DNAJC21: variants seen among roughly 807,000 people sequenced by gnomAD.
The protein encoded by DNAJC21 is DnaJ heat shock protein family (Hsp40) member C21, also known as dnaJ homolog subfamily C member 21.
In DNAJC21, 63 loss-of-function variants were observed where a neutral mutation model predicts 72.4. That is an observed-to-expected ratio of 0.87 (90% CI 0.71 to 1.07). The LOEUF is 1.07. Ranked by LOEUF, DNAJC21 falls within the 50% of genes least tolerant of loss-of-function variation. DNAJC21 has a pLI of 0.00. For synonymous variants in DNAJC21, 203 were observed against 216.7 expected, an observed-to-expected ratio of 0.94 and a Z score of 0.56; for missense variants, 634 against 644.8, an observed-to-expected ratio of 0.98 and a Z score of 0.18.
At chr5:34,946,988 C>T (rs1765192695) in intron 9 of DNAJC21, among the ~76,000 whole-genome samples, 1 of 152,108 alleles carries the variant, frequency 6.6e-6, no homozygotes, top group Admixed American at 6.5e-5. Context: ...AAGTTCAGAC[C>T]TAGCTTGATG....
At chr5:34,942,763 A>G (rs561755491) in intron 7 of DNAJC21, among the ~76,000 whole-genome samples, 2 of 152,230 alleles carry the variant, frequency 1.3e-5, no homozygotes, top group African/African-American at 4.8e-5. Flanking sequence ...ATACTTCACT[A>G]TATCTTAAGA....
At chr5:34,951,075 A>T (rs1765349390) in intron 10 of DNAJC21, 15 of 985,414 alleles carry the variant, frequency 1.5e-5, no homozygotes, top group Non-Finnish European at 1.7e-5. Context: ...AGCAACAGTG[A>T]TGGGGTGGGG....
At chr5:34,951,189 GA>G (rs1765353647) in intron 10 of DNAJC21, 1 of 985,416 alleles carries the variant, frequency 1.0e-6, no homozygotes. Context: ...GGTATATAAA[GA>G]ACTACACAAA....
intron 7 of DNAJC21, among the ~76,000 whole-genome samples, chr5:34,942,807 G>A (rs144937264): frequency 6.6e-6 from 1 of 151,984 alleles, no homozygotes; most frequent in Non-Finnish European, 1.5e-5. Flanking sequence ...AGTGGCTCAC[G>A]CCTGTAATCC....
chr5:34,951,632 A>G (rs966409120), intron 10 of DNAJC21: 31 of 900,846 alleles, frequency 3.4e-5, no homozygotes, highest in East Asian at 1.2e-4. Context: ...GGTTCAAGCA[A>G]TTCTCCTGCC....
chr5:34,945,756 C>A lies in DNAJC21; in HGVS notation c.1143-5C>A, dbSNP rs761017301. On this transcript the variant is annotated splice_polypyrimidine_tract_variant and splice_region_variant and intron_variant, in intron 8 of 11. Transcript: ENST00000648817. The stretch of plus-strand genomic sequence containing the variant: ...TTTGACATTTCGATTTATATTTGCT[C>A]TTAGGCTTTCTAAAAAACAGAAGAA... 1 of 1,589,802 alleles carries A rather than the reference C, an allele frequency of 6.3e-7. No individual in the cohort carries two copies. The highest frequency in any genetic ancestry group is 8.5e-7 in the Non-Finnish European group (1 of 1,171,058).
Position 34,933,826 on chromosome 5 carries a change from G to T in DNAJC21, c.109G>T (p.Asp37Tyr). 1 of 1,613,512 alleles carries T rather than the reference G, an allele frequency of 6.2e-7. No homozygotes were observed. The highest frequency in any genetic ancestry group is 1.1e-5 in the South Asian group (1 of 91,026). Residue 37 changes from aspartate (D) to tyrosine (Y), a missense_variant, in exon 2 of 12, where the codon GAT becomes TAT. Asp to Tyr is a radical substitution (Grantham distance 160). Transcript: ENST00000648817. ...ALKWHPDKNL[D>Y]NAAEAAEQFK... The stretch of plus-strand genomic sequence containing the variant: ...TGTGACTTTAACAGATAAAAATCTG[G>T]ATAATGCCGCAGAAGCAGCTGAACA...
chr5:34,937,964 A>C (rs1220523290), intron 5 of DNAJC21, among the ~76,000 whole-genome samples: 2 of 151,766 alleles, frequency 1.3e-5, no homozygotes, highest in Non-Finnish European at 2.9e-5. Context: ...TGCCCAGCTA[A>C]TTTTTGTATT....
chr5:34,955,082 A>C lies in DNAJC21; in HGVS notation c.*368A>C. The C allele has an allele frequency of 6.4e-6, 1 of 156,794 alleles. No homozygotes were observed. Among genetic ancestry groups the C allele is most frequent in the African/African-American group, 2.4e-5 (1 of 41,724 alleles). The allele number at this position is 156,794 out of a possible 1,614,324, so 9.7% of individuals were successfully genotyped here. ...CTGAATTTCACATTACTTTTACTTA[A>C]TGCTTTTGTGTTTTGTTAATACTTC... On this transcript the variant is annotated 3_prime_UTR_variant, in exon 12 of 12. Transcript: ENST00000648817.
intron 6 of DNAJC21, among the ~76,000 whole-genome samples, chr5:34,940,590 A>T (rs1454799865): frequency 6.6e-6 from 1 of 152,230 alleles, no homozygotes; most frequent in Non-Finnish European, 1.5e-5. Context: ...GTTGTAATAA[A>T]GCCAAAAGCT....
At chr5:34,947,859 G>C (rs1255729480) in intron 9 of DNAJC21, among the ~76,000 whole-genome samples, 2 of 151,762 alleles carry the variant, frequency 1.3e-5, no homozygotes, top group East Asian at 3.9e-4. Flanking sequence ...GAAGTATAAT[G>C]CCTCCTCTTT....
intron 9 of DNAJC21, among the ~76,000 whole-genome samples, chr5:34,948,949 A>T (rs1335949919): frequency 6.6e-6 from 1 of 152,202 alleles, no homozygotes; most frequent in Non-Finnish European, 1.5e-5. Context: ...TGACACAAGT[A>T]ATAGAGGGAG....
Position 34,943,678 on chromosome 5 carries a change from A to G in DNAJC21, c.984-1189A>G, listed in dbSNP as rs150206146. Among the ~76,000 whole-genome samples, 17 of 152,334 alleles carry G rather than the reference A, an allele frequency of 1.1e-4. No homozygotes were observed. In the Middle Eastern group the frequency reaches 0.01, roughly 91 times the overall value. ...TCTGTTGATGGTTTTAGCTTGCGTC[A>G]GTCTTTTTTATGATGGTTGCAGAAT... On this transcript the variant is annotated intron_variant, in intron 7 of 11. Transcript: ENST00000648817.
intron 2 of DNAJC21, among the ~76,000 whole-genome samples, chr5:34,934,948 T>C (rs147050790): frequency 1.4e-4 from 22 of 152,364 alleles, no homozygotes; most frequent in African/African-American, 5.3e-4. Context: ...TTTTGCCTTC[T>C]TCCCAGAACT....
chr5:34,940,174 T>A (rs116701574), intron 6 of DNAJC21, among the ~76,000 whole-genome samples: 140 of 152,348 alleles, frequency 9.2e-4, no homozygotes, highest in African/African-American at 3.3e-3. Flanking sequence ...CTATGAGATG[T>A]GCCTGAGAAT....
intron 1 of DNAJC21, 73 bp from the exon 2 acceptor site, chr5:34,933,742 C>G: frequency 7.9e-7 from 1 of 1,263,734 alleles, no homozygotes; most frequent in South Asian, 1.3e-5. Flanking sequence ...TGTGGCATTT[C>G]TGATGGAAAA....
intron 10 of DNAJC21, chr5:34,951,911 T>C: frequency 1.0e-6 from 1 of 985,460 alleles, no homozygotes; most frequent in South Asian, 4.7e-5. Context: ...AGCTCTCTAA[T>C]TTCACTGATG....
At chr5:34,930,702 T>C (rs1192059767) in intron 1 of DNAJC21, among the ~76,000 whole-genome samples, 1 of 152,192 alleles carries the variant, frequency 6.6e-6, no homozygotes, top group African/African-American at 2.4e-5. Context: ...ATGAAGAGGC[T>C]TTCATATTAG....
chr5:34,949,756 G>T (rs111775832), intron 9 of DNAJC21: 28,512 of 1,584,762 alleles, frequency 0.018, 346 homozygotes, highest in Non-Finnish European at 0.019. Flanking sequence ...GACTGTAGAA[G>T]AATAGTTGCT....
Sources: gnomAD v4.1 joint callset for allele counts (sites outside exome capture counted in the v4.1 genomes callset) on GRCh38, gnomAD v4.1.1 for gene constraint, MANE v1.5 for transcripts, NCBI Gene and HGNC (gene_info 2026-07-23, HGNC 2026-07-21) for gene names.